The following TMEM154 variants were observed in gnomAD, a reference collection of about 807,000 sequenced individuals.
The protein encoded by TMEM154 is transmembrane protein 154.
A neutral mutation model predicts 24.5 loss-of-function variants in TMEM154; 27 were observed. The observed-to-expected ratio is 1.10, with a 90% CI of 0.81 to 1.52. The LOEUF (loss-of-function observed/expected upper bound fraction) is 1.52. Ranked by LOEUF, TMEM154 falls within the 40% of genes most tolerant of loss-of-function variation. The pLI, the probability that TMEM154 is intolerant of heterozygous loss-of-function variation, is 0.00. For synonymous variants in TMEM154, 67 were observed against 76.8 expected, an observed-to-expected ratio of 0.87 and a Z score of 0.67; for missense variants, 228 against 213.4, an observed-to-expected ratio of 1.07 and a Z score of -0.43.
rs1728414153 is a variant in TMEM154 at position 152,652,833 on chromosome 4, G to C, written c.159C>G (p.Thr53=). 2.5e-6 allele frequency: 4 copies of C among 1,613,910 alleles called. No homozygotes were observed. Among genetic ancestry groups the C allele is most frequent in the Non-Finnish European group, 3.4e-6 (4 of 1,179,928 alleles). The change falls in exon 2 of 7, where the codon ACC becomes ACG. Residue 53 remains threonine (T), a synonymous_variant. Coordinates refer to ENST00000304385, the MANE Select transcript of TMEM154 (RefSeq NM_152680.3). ...TATTTGCATTTAATGTTTCTTTGAT[G>C]GTCACTGCAGCAAATGTGCTTGGAA... ...VTIPSTFAAV[T]IKETLNANIN... is the part of the protein sequence containing the mutation.
At chr4:152,631,992 A>C (rs953782129) in intron 6 of TMEM154, among the ~76,000 whole-genome samples, 4 of 151,654 alleles carry the variant, frequency 2.6e-5, no homozygotes, top group African/African-American at 9.7e-5. Context: ...CTTTTTTAGT[A>C]GAGGTGGGGT....
chr4:152,648,659 A>G (rs1728313316), intron 3 of TMEM154, among the ~76,000 whole-genome samples: 1 of 152,216 alleles, frequency 6.6e-6, no homozygotes, highest in African/African-American at 2.4e-5. Context: ...GTGTTGTTAG[A>G]GTGGAGGATG....
chr4:152,659,378 G>A (rs1020162193), intron 1 of TMEM154, among the ~76,000 whole-genome samples: 3 of 152,168 alleles, frequency 2.0e-5, no homozygotes, highest in Non-Finnish European at 2.9e-5. Flanking sequence ...GTGGGTAAGA[G>A]TAGGGGAAGA....
At chr4:152,662,587 G>A (rs969516592) in intron 1 of TMEM154, among the ~76,000 whole-genome samples, 1 of 132,256 alleles carries the variant, frequency 7.6e-6, no homozygotes, top group African/African-American at 3.0e-5. Context: ...GTATGGATGC[G>A]GAGGGCAGCT....
At chr4:152,665,995 A>G (rs1728715409) in intron 1 of TMEM154, among the ~76,000 whole-genome samples, 1 of 151,986 alleles carries the variant, frequency 6.6e-6, no homozygotes, top group Non-Finnish European at 1.5e-5. Context: ...TCACTTTGTT[A>G]CCCAGGCTGG....
chr4:152,655,437 C>A (rs1728471871), intron 1 of TMEM154, among the ~76,000 whole-genome samples: 1 of 152,166 alleles, frequency 6.6e-6, no homozygotes, highest in Non-Finnish European at 1.5e-5. Flanking sequence ...ATGCGGAGTC[C>A]CACACACCCC....
At chr4:152,671,114 G>A (rs1213226745) in intron 1 of TMEM154, among the ~76,000 whole-genome samples, 1 of 151,986 alleles carries the variant, frequency 6.6e-6, no homozygotes, top group Non-Finnish European at 1.5e-5. Flanking sequence ...AGTTCTTCAA[G>A]CAAAGAGGGA....
At chr4:152,638,456 T>C (rs1196246703) in intron 6 of TMEM154, among the ~76,000 whole-genome samples, 1 of 152,144 alleles carries the variant, frequency 6.6e-6, no homozygotes, top group Non-Finnish European at 1.5e-5. Flanking sequence ...ACAAAAATAA[T>C]GCTTCGCCCA....
chr4:152,677,116 C>A (rs1456735198), intron 1 of TMEM154, among the ~76,000 whole-genome samples: 1 of 152,166 alleles, frequency 6.6e-6, no homozygotes, highest in Non-Finnish European at 1.5e-5. Flanking sequence ...GGCACCTAGG[C>A]CCAAGCTTTC....
In TMEM154 at chr4:152,661,284, T is replaced by TTCTCTCTCTCTC. The variant is rs70949609; in HGVS notation, c.65-8369_65-8358dup. Among the ~76,000 whole-genome samples, 167 of 63,416 alleles carry TTCTCTCTCTCTC rather than the reference T, an allele frequency of 2.6e-3. 12 individuals are homozygous for TTCTCTCTCTCTC. The highest frequency in any genetic ancestry group is 3.5e-3 in the Non-Finnish European group (117 of 33,682). 41.6% of individuals were successfully genotyped at this position (63,416 alleles called of 152,430 possible). A position where few individuals can be genotyped will look rare whatever the true frequency, so the allele number is the denominator to read the frequency against. On this transcript the variant is annotated intron_variant, in intron 1 of 6. Coordinates refer to ENST00000304385, the MANE Select transcript of TMEM154 (RefSeq NM_152680.3). ...AATGAGAATCAAGGGATTGTTCTCT[T>TTCTCTCTCTCTC]TCTCTCTCTCTCTCTCTCTCTCTCT...
intron 1 of TMEM154, among the ~76,000 whole-genome samples, chr4:152,657,301 C>T (rs1483929755): frequency 6.6e-6 from 1 of 151,460 alleles, no homozygotes; most frequent in Non-Finnish European, 1.5e-5. Context: ...ATTGCTTGAG[C>T]TCATGAGTTC....
At chr4:152,629,815 T>TAGAC (rs749288483) in intron 6 of TMEM154, among the ~76,000 whole-genome samples, 7 of 152,138 alleles carry the variant, frequency 4.6e-5, no homozygotes, top group African/African-American at 1.7e-4. Context: ...CATAGATAGA[T>TAGAC]AGACAGACAG....
chr4:152,647,703 G>A (rs1340826499), intron 3 of TMEM154, among the ~76,000 whole-genome samples: 1 of 152,216 alleles, frequency 6.6e-6, no homozygotes, highest in Non-Finnish European at 1.5e-5. Context: ...CAAGCAGCTA[G>A]TGTGTGTTGG....
chr4:152,629,379 C>T (rs996716495), intron 6 of TMEM154, among the ~76,000 whole-genome samples: 2 of 152,172 alleles, frequency 1.3e-5, no homozygotes, highest in African/African-American at 2.4e-5. Context: ...ATTCAAACAT[C>T]GGGCATCCTG....
At chr4:152,665,014 C>T (rs150389946) in intron 1 of TMEM154, among the ~76,000 whole-genome samples, 2 of 152,278 alleles carry the variant, frequency 1.3e-5, no homozygotes, top group East Asian at 3.9e-4. Flanking sequence ...GCCTAGTCTG[C>T]CCATAGAATC....
chr4:152,641,903 CTTTTTTTTTTTTT>C (rs780465309), intron 5 of TMEM154, among the ~76,000 whole-genome samples: 12 of 41,486 alleles, frequency 2.9e-4, no homozygotes, highest in Admixed American at 4.3e-4. Context: ...AGCAATAATT[CTTTTTTTTTTTTT>C]TTTTTTTTTT....
chr4:152,653,278 G>A (rs537798187), intron 1 of TMEM154, among the ~76,000 whole-genome samples: 2 of 152,072 alleles, frequency 1.3e-5, no homozygotes, highest in Admixed American at 6.5e-5. Context: ...TCTCCTATAG[G>A]GTATGATAAT....
At chr4:152,654,690 G>T (rs1408070751) in intron 1 of TMEM154, among the ~76,000 whole-genome samples, 1 of 152,176 alleles carries the variant, frequency 6.6e-6, no homozygotes, top group Non-Finnish European at 1.5e-5. Context: ...GCCATATGTG[G>T]ATACGGAAAG....
chr4:152,671,519 G>A (rs1249016223), intron 1 of TMEM154, among the ~76,000 whole-genome samples: 11 of 151,584 alleles, frequency 7.3e-5, no homozygotes, highest in African/African-American at 4.8e-5. Flanking sequence ...AGGCCGAGGC[G>A]GGCAGATCAC....
Sources: gnomAD v4.1 joint callset for allele counts (sites outside exome capture counted in the v4.1 genomes callset) on GRCh38, gnomAD v4.1.1 for gene constraint, MANE v1.5 for transcripts, NCBI Gene and HGNC (gene_info 2026-07-23, HGNC 2026-07-21) for gene names.